The following CHRNE variants were observed in gnomAD, a reference collection of about 807,000 sequenced individuals.
CHRNE encodes acetylcholine receptor subunit epsilon.
In CHRNE, 58 loss-of-function variants were observed where a neutral mutation model predicts 56.5. That is an observed-to-expected ratio of 1.03 (90% CI 0.83 to 1.28). The LOEUF is 1.28. Ranked by LOEUF, CHRNE falls within the 50% of genes most tolerant of loss-of-function variation. The pLI is 0.00. For missense variants in CHRNE, 793 were observed against 688.9 expected (o/e 1.15, Z -1.69); for synonymous variants, 385 against 297.9 (o/e 1.29, Z -3.01).
In CHRNE at chr17:4,902,603, A is replaced by C; in HGVS notation, c.189+18T>G. The C allele has an allele frequency of 6.2e-7, 1 of 1,613,944 alleles. No homozygotes were observed. On this transcript the variant is annotated intron_variant, in intron 2 of 11. Coordinates refer to ENST00000649488, the MANE Select transcript of CHRNE (RefSeq NM_000080.4). The surrounding 1 kb of genome is among the most constrained non-coding windows in gnomAD (Gnocchi z 4.0). ...GAAGTGGGATTTTTGGCTTAAGATG[A>C]GGGTGGGGGTAGCTTACCAGTGAGA...
rs1969874579 is a variant in CHRNE, at chr17:4,899,456, C to G, written c.1032+12G>C. On this transcript the variant is annotated intron_variant, in intron 9 of 11. Coordinates refer to ENST00000649488, the MANE Select transcript of CHRNE (RefSeq NM_000080.4). ...ACCCCGACCCGGGCTGCACCGCCCC[C>G]TCCGCGCTTACGTGGCGCAGCCGCG... The G allele has an allele frequency of 6.4e-7, 1 of 1,574,576 alleles. No individual in the cohort carries two copies. Among genetic ancestry groups the G allele is most frequent in the African/African-American group, 1.3e-5 (1 of 74,248 alleles).
At chr17:4,900,172 G>A (rs561461687) in intron 8 of CHRNE, 16 of 1,545,786 alleles carry the variant, frequency 1.0e-5, no homozygotes, top group East Asian at 9.8e-5. Flanking sequence ...CTTAGGATAC[G>A]CGGCGATCGG....
chr17:4,899,110 G>A lies in CHRNE; in HGVS notation c.1220-3C>T, dbSNP rs545198600. 8.1e-6 allele frequency: 13 copies of A among 1,607,306 alleles called. No homozygotes were observed. The highest frequency in any genetic ancestry group is 6.7e-5 in the East Asian group (3 of 44,760). ...GCCCAGGCTCTGGCAGAAGGCAGCT[G>A]GCGGGGAAAACACCGGGGTGGGCCT... On this transcript the variant is annotated splice_polypyrimidine_tract_variant and splice_region_variant and intron_variant, in intron 10 of 11. Coordinates refer to ENST00000649488, the MANE Select transcript of CHRNE (RefSeq NM_000080.4).
In CHRNE at chr17:4,901,070, A is replaced by G; in HGVS notation, c.722T>C (p.Leu241Pro). The change falls in exon 7 of 12, where the codon CTC becomes CCC. Residue 241 changes from leucine (L) to proline (P), a missense_variant. Coordinates refer to ENST00000649488, the MANE Select transcript of CHRNE (RefSeq NM_000080.4). ...CACGATGATGTTAATGACGTAGAAG[A>G]GCGGCTTCCGGCGGATGATGAGCGA... ...IYSLIIRRKPLFYVINIIVPC... is the reference protein window; with the variant it reads ...IYSLIIRRKPPFYVINIIVPC... The G allele has an allele frequency of 1.2e-6, 2 of 1,613,924 alleles. No individual in the cohort carries two copies. Among genetic ancestry groups the G allele is most frequent in the Non-Finnish European group, 1.7e-6 (2 of 1,179,964 alleles).
At chr17:4,906,674 G>A (rs1970096089), upstream of CHRNE, among the ~76,000 whole-genome samples, 1 of 151,950 alleles carries the variant, frequency 6.6e-6, no homozygotes, top group Non-Finnish European at 1.5e-5. Flanking sequence ...GCAATATAGT[G>A]AGACCTCATC....
chr17:4,902,045 G>A lies in CHRNE; in HGVS notation c.387C>T (p.Leu129=), dbSNP rs767908282. 3.7e-6 allele frequency: 6 copies of A among 1,614,114 alleles called. No individual in the cohort carries two copies. Among genetic ancestry groups the A allele is most frequent in the South Asian group, 3.3e-5 (3 of 91,092 alleles). Residue 129 remains leucine, a synonymous_variant, in exon 5 of 12, where the codon CTC becomes CTT. Coordinates refer to ENST00000649488, the MANE Select transcript of CHRNE (RefSeq NM_000080.4). This position sits in a 1 kb window ranked among gnomAD's most constrained non-coding sequence, Gnocchi z 4.0. ...ACGTCACGGAGCCGCCCTCGTAGAC[G>A]AGCACGTTGGCGTCGTAGGCCACTC... is the stretch of plus-strand genomic sequence containing the variant. ...QFGVAYDANV[L]VYEGGSVTWL...
intron 8 of CHRNE, chr17:4,900,015 G>C (rs1969920714): frequency 6.4e-7 from 1 of 1,551,436 alleles, no homozygotes; most frequent in Non-Finnish European, 8.7e-7. Context: ...CAGAGGTTCA[G>C]AGAGCTGAAG....
At position 4,898,328 on chromosome 17, in the gene CHRNE, A is replaced by G; in HGVS notation, c.*408T>C. On this transcript the variant is annotated 3_prime_UTR_variant, in exon 12 of 12. Coordinates refer to ENST00000649488, the MANE Select transcript of CHRNE (RefSeq NM_000080.4). ...CTCCAGCAGAGCCAGACCAGGGAAG[A>G]AGAGGGTTTCCTGGCTACAGCCTCC... The G allele has an allele frequency of 6.6e-6, 2 of 300,818 alleles. No homozygotes were observed. Among genetic ancestry groups the G allele is most frequent in the Non-Finnish European group, 1.3e-5 (2 of 153,684 alleles). The allele number at this position is 300,818 out of a possible 1,614,324, so 18.6% of individuals were successfully genotyped here. A position where few individuals can be genotyped will look rare whatever the true frequency, so the allele number is the denominator to read the frequency against.
chr17:4,907,068 T>G (rs1016378429), upstream of CHRNE, among the ~76,000 whole-genome samples: 10 of 151,688 alleles, frequency 6.6e-5, no homozygotes, highest in Non-Finnish European at 1.3e-4. Context: ...GGCAGGTAGG[T>G]GGATGGTGGG....
At position 4,901,083 on chromosome 17, in the gene CHRNE, G is replaced by A. The variant is rs769424853; in HGVS notation, c.709C>T (p.Arg237Cys). 56 of 1,613,754 alleles carry A rather than the reference G, an allele frequency of 3.5e-5. No individual in the cohort carries two copies. The highest frequency in any genetic ancestry group is 3.3e-4 in the Middle Eastern group (2 of 6,084). The stretch of plus-strand genomic sequence containing the variant: ...ATGACGTAGAAGAGCGGCTTCCGGC[G>A]GATGATGAGCGAGTAGATGACGTCA... ...ETDVIYSLII[R>C]RKPLFYVINI... Residue 237 changes from arginine to cysteine, a missense_variant, in exon 7 of 12, where the codon CGC becomes TGC. Arg to Cys is a radical substitution (Grantham distance 180). Coordinates refer to ENST00000649488, the MANE Select transcript of CHRNE (RefSeq NM_000080.4).
In CHRNE at chr17:4,898,756, C is replaced by A. The variant is rs780592951; in HGVS notation, c.1462G>T (p.Ala488Ser). 5.0e-6 allele frequency: 8 copies of A among 1,611,008 alleles called. No individual in the cohort carries two copies. Among genetic ancestry groups the A allele is most frequent in the Non-Finnish European group, 6.8e-6 (8 of 1,179,094 alleles). The change falls in exon 12 of 12, where the codon GCG becomes TCG. Residue 488 changes from alanine to serine, a missense_variant. Coordinates refer to ENST00000649488, the MANE Select transcript of CHRNE (RefSeq NM_000080.4). ...YFNRVPDLPY[A>S]PCIQP ...GCGAGCTAAGGCTGGATACACGGCG[C>A]GTAGGGGAGATCAGGCACTCGGTTG...
In CHRNE at chr17:4,898,153, A is replaced by T. The variant is rs1049951029; in HGVS notation, c.*583T>A. ...GAAGAAAGGGGCAGGGTGGGCTGGG[A>T]TCTGCAATGAGTGAGCCTCATGGGG... On this transcript the variant is annotated 3_prime_UTR_variant, in exon 12 of 12. Transcript: ENST00000649488. 2 of 167,126 alleles carry T rather than the reference A, an allele frequency of 1.2e-5. No homozygotes were observed. The highest frequency in any genetic ancestry group is 2.6e-5 in the Non-Finnish European group (2 of 76,052). The allele number at this position is 167,126 out of a possible 1,614,324, so 10.4% of individuals were successfully genotyped here.
In CHRNE at chr17:4,901,970, G is replaced by A. The variant is rs781427923; in HGVS notation, c.462C>T (p.Tyr154=). The change falls in exon 5 of 12, where the codon TAC becomes TAT. Residue 154 remains tyrosine (Y), a synonymous_variant. Transcript: ENST00000649488. ...YRSVCAVEVT[Y]FPFDWQNCSL... is the part of the protein sequence containing the mutation. ...AACAGTTCTGCCAATCGAAGGGGAAGTAGGTGACCTCCACTGCGCAGACGC... is the reference window on the plus strand; with the variant it reads ...AACAGTTCTGCCAATCGAAGGGGAAATAGGTGACCTCCACTGCGCAGACGC... 1.1e-5 allele frequency: 17 copies of A among 1,613,944 alleles called. 1 individual carries two copies. Among genetic ancestry groups the A allele is most frequent in the African/African-American group, 4.0e-5 (3 of 74,914 alleles).
chr17:4,901,281 C>A (rs1292463901), intron 6 of CHRNE, 91 bp from the exon 7 acceptor site: 2 of 1,439,216 alleles, frequency 1.4e-6, no homozygotes, highest in East Asian at 4.6e-5. Context: ...GCTGTCTGCA[C>A]CAGGGTCATG....
chr17:4,904,124 TG>T (rs1469829473), upstream of CHRNE, among the ~76,000 whole-genome samples: 3 of 152,226 alleles, frequency 2.0e-5, no homozygotes, highest in African/African-American at 7.2e-5. Context: ...CCCAAAGTGC[TG>T]GGATTATAGG....
Position 4,900,012 on chromosome 17 carries a change from T to A in CHRNE, c.918-430A>T, listed in dbSNP as rs1969920449. 5 of 1,551,526 alleles carry A rather than the reference T, an allele frequency of 3.2e-6. No individual in the cohort carries two copies. The East Asian group carries it at 1.2e-4, about 38-fold the overall frequency. ...GCCCATGAATATCTGGAGCAGAGGT[T>A]CAGAGAGCTGAAGTCCCTGGAGCCA... On this transcript the variant is annotated intron_variant, in intron 8 of 11. Coordinates refer to ENST00000649488, the MANE Select transcript of CHRNE (RefSeq NM_000080.4).
intron 5 of CHRNE, 74 bp downstream of exon 5, chr17:4,901,858 C>T: frequency 6.3e-7 from 1 of 1,595,932 alleles, no homozygotes; most frequent in African/African-American, 1.3e-5. Context: ...GAGGGCGGTG[C>T]TTCCCGGTTG....
At position 4,902,911 on chromosome 17, in the gene CHRNE, C is replaced by T. The variant is rs996596305; in HGVS notation, c.46+107G>A. On this transcript the variant is annotated intron_variant, in intron 1 of 11. Coordinates refer to ENST00000649488, the MANE Select transcript of CHRNE (RefSeq NM_000080.4). This position sits in a 1 kb window ranked among gnomAD's most constrained non-coding sequence, Gnocchi z 4.0. ...AAACCAATTATGCTGTGCCTGGGAA[C>T]GAAATACTGTGTCTAAGTCTCCATC... 7.8e-5 allele frequency: 123 copies of T among 1,583,612 alleles called. No homozygotes were observed. The highest frequency in any genetic ancestry group is 1.0e-4 in the South Asian group (9 of 90,372).
upstream of CHRNE, among the ~76,000 whole-genome samples, chr17:4,904,511 TTCC>T (rs539685876): frequency 1.9e-4 from 29 of 152,306 alleles, no homozygotes; most frequent in African/African-American, 6.5e-4. Flanking sequence ...TGTCCAGGTG[TTCC>T]TCGTGAGGTA....
Sources: allele counts gnomAD v4.1 joint callset (sites outside exome capture counted in the v4.1 genomes callset), GRCh38; gene constraint gnomAD v4.1.1; non-coding constraint Gnocchi (gnomAD v3.1); transcripts MANE v1.5; gene names NCBI Gene and HGNC (gene_info 2026-07-23, HGNC 2026-07-21).